Variants in MRPL48 observed in about 807,000 individuals in gnomAD.
The protein encoded by MRPL48 is mitochondrial ribosomal protein L48, also known as large ribosomal subunit protein mL48.
A neutral mutation model predicts 32.9 loss-of-function variants in MRPL48; 16 were observed. The ratio of observed to expected loss-of-function variants is 0.49; its 90% confidence interval spans 0.33 to 0.74. The LOEUF (loss-of-function observed/expected upper bound fraction) is 0.74, where lower values mean the gene tolerates loss of function less well. Among genes scored for constraint, MRPL48 ranks in the 30% least tolerant of loss-of-function variants. MRPL48 has a pLI of 0.02. For synonymous variants in MRPL48, 94 were observed against 89.2 expected, an observed-to-expected ratio of 1.05 and a Z score of -0.31; for missense variants, 206 against 245.3, an observed-to-expected ratio of 0.84 and a Z score of 1.07.
chr11:73,854,723 C>A (rs1948457885), intron 5 of MRPL48, among the ~76,000 whole-genome samples: 1 of 152,138 alleles, frequency 6.6e-6, no homozygotes, highest in Non-Finnish European at 1.5e-5. Context: ...AACAACCAAC[C>A]AAAACACTTT....
chr11:73,831,940 CA>C (rs4019304), intron 4 of MRPL48, among the ~76,000 whole-genome samples: 14 of 67,090 alleles, frequency 2.1e-4, no homozygotes, highest in Admixed American at 6.7e-4. Flanking sequence ...AACTCTGTCT[CA>C]AAAAAAAAAA....
At chr11:73,852,567 C>T (rs1304608951) in intron 5 of MRPL48, among the ~76,000 whole-genome samples, 4 of 152,040 alleles carry the variant, frequency 2.6e-5, no homozygotes, top group African/African-American at 9.7e-5. Flanking sequence ...ATCATCTCAT[C>T]ATGGCTTTTA....
intron 1 of MRPL48, among the ~76,000 whole-genome samples, chr11:73,796,170 T>G (rs1947250756): frequency 6.6e-6 from 1 of 152,124 alleles, no homozygotes; most frequent in African/African-American, 2.4e-5. Context: ...GATCTAGGCC[T>G]CTTGCTCCAC....
intron 1 of MRPL48, among the ~76,000 whole-genome samples, chr11:73,790,747 G>A (rs574364735): frequency 6.6e-6 from 1 of 151,280 alleles, no homozygotes; most frequent in Non-Finnish European, 1.5e-5. Context: ...GGCTAGTCTC[G>A]AACTCCTGGC....
At chr11:73,803,401 G>A (rs1947392186) in intron 1 of MRPL48, among the ~76,000 whole-genome samples, 1 of 152,044 alleles carries the variant, frequency 6.6e-6, no homozygotes, top group African/African-American at 2.4e-5. Flanking sequence ...CAAGTATTGG[G>A]ATTACAGGCG....
chr11:73,844,519 A>G (rs1320816610), intron 4 of MRPL48, among the ~76,000 whole-genome samples: 1 of 152,204 alleles, frequency 6.6e-6, no homozygotes, highest in Non-Finnish European at 1.5e-5. Context: ...TGAATCTCAA[A>G]ACAAGGTAAT....
intron 3 of MRPL48, among the ~76,000 whole-genome samples, chr11:73,812,721 T>C (rs1203077810): frequency 7.6e-6 from 1 of 131,502 alleles, no homozygotes; most frequent in East Asian, 2.1e-4. Context: ...TGTCTAAATA[T>C]ATATATATAT....
intron 4 of MRPL48, among the ~76,000 whole-genome samples, chr11:73,829,119 C>T (rs891872509): frequency 2.0e-5 from 3 of 152,174 alleles, no homozygotes; most frequent in African/African-American, 7.2e-5. Flanking sequence ...GCCTCTTCTC[C>T]ACTCTCCCGG....
intron 4 of MRPL48, among the ~76,000 whole-genome samples, chr11:73,841,818 A>G (rs1336356362): frequency 1.3e-5 from 2 of 152,226 alleles, no homozygotes; most frequent in African/African-American, 4.8e-5. Context: ...TTTTAGATTA[A>G]TAAGATATTT....
chr11:73,860,067 C>T, intron 6 of MRPL48, 58 bp downstream of exon 6: 3 of 1,374,848 alleles, frequency 2.2e-6, no homozygotes, highest in Non-Finnish European at 2.0e-6. Context: ...TTTCTCTGTC[C>T]ACTTTTTCAC....
At chr11:73,842,310 GT>G (rs1948200630) in intron 4 of MRPL48, 1 of 152,100 alleles carries the variant, frequency 6.6e-6, no homozygotes, top group Non-Finnish European at 1.5e-5. Flanking sequence ...AAATAAGCAT[GT>G]ATGTAATTAC....
At chr11:73,815,295 T>C (rs1308717620) in intron 3 of MRPL48, among the ~76,000 whole-genome samples, 10 of 151,874 alleles carry the variant, frequency 6.6e-5, no homozygotes, top group Admixed American at 1.3e-4. Flanking sequence ...GCTCCTGTAA[T>C]TCCAGTTGCT....
chr11:73,843,238 T>TTG (rs1565105349), intron 4 of MRPL48: 1 of 147,606 alleles, frequency 6.8e-6, no homozygotes, highest in African/African-American at 2.5e-5. Flanking sequence ...TTTTTTTTTT[T>TTG]CCCTTGAGAT....
intron 1 of MRPL48, among the ~76,000 whole-genome samples, chr11:73,793,776 C>G (rs950242466): frequency 6.6e-6 from 1 of 151,138 alleles, no homozygotes; most frequent in East Asian, 2.0e-4. Flanking sequence ...AATTCCAACA[C>G]TTTGAAAAGC....
At chr11:73,805,604 T>C (rs1290424739) in intron 2 of MRPL48, among the ~76,000 whole-genome samples, 1 of 151,840 alleles carries the variant, frequency 6.6e-6, no homozygotes, top group Admixed American at 6.6e-5. Flanking sequence ...CCAGATGCTG[T>C]TAATTCTTCA....
At chr11:73,823,055 C>A (rs1352073668) in intron 3 of MRPL48, 1 of 449,260 alleles carries the variant, frequency 2.2e-6, no homozygotes, top group East Asian at 7.0e-5. Context: ...AGGGCTTCCA[C>A]TGATTCTACA....
chr11:73,824,705 G>T lies in MRPL48; in HGVS notation c.113-1003G>T, dbSNP rs193029090. On this transcript the variant is annotated intron_variant, in intron 3 of 7. Transcript: ENST00000310614. ...GAAAACTTCAAAAGGGAAGGCGAAA[G>T]GATTTTTTTTTCAAAAGAAAAAAAG... Among the ~76,000 whole-genome samples the T allele has an allele frequency of 4.6e-5, 7 of 152,206 alleles. No homozygotes were observed. In the East Asian group the frequency reaches 9.6e-4, roughly 21 times the overall value.
chr11:73,803,872 C>T (rs1947399768), intron 1 of MRPL48, among the ~76,000 whole-genome samples: 1 of 151,852 alleles, frequency 6.6e-6, no homozygotes, highest in Admixed American at 6.6e-5. Context: ...TTGTTCTTAC[C>T]TCCATTGTGA....
intron 5 of MRPL48, among the ~76,000 whole-genome samples, chr11:73,852,914 TA>T (rs1404854265): frequency 1.3e-5 from 2 of 152,146 alleles, no homozygotes; most frequent in Non-Finnish European, 2.9e-5. Context: ...TATTCACCCA[TA>T]AAAATGAATG....
Sources: allele counts gnomAD v4.1 joint callset (sites outside exome capture counted in the v4.1 genomes callset), GRCh38; gene constraint gnomAD v4.1.1; transcripts MANE v1.5; gene names NCBI Gene and HGNC (gene_info 2026-07-23, HGNC 2026-07-21).